The following TMCC1 variants were observed in gnomAD, a reference collection of about 807,000 sequenced individuals.
The protein encoded by TMCC1 is transmembrane and coiled-coil domains protein 1.
TMCC1 carries 15 observed loss-of-function variants against 52.4 expected under a neutral mutation model. That is an observed-to-expected ratio of 0.29 (90% CI 0.19 to 0.44). TMCC1 has a LOEUF of 0.44. Ranked by LOEUF, TMCC1 falls within the 20% of genes least tolerant of loss-of-function variation. The pLI is 1.00. For synonymous variants in TMCC1, 279 were observed against 301.9 expected, an observed-to-expected ratio of 0.92 and a Z score of 0.79; for missense variants, 503 against 806.0, an observed-to-expected ratio of 0.62 and a Z score of 4.55.
At chr3:129,662,846 A>C (rs1214340600) in intron 5 of TMCC1, among the ~76,000 whole-genome samples, 1 of 152,200 alleles carries the variant, frequency 6.6e-6, no homozygotes, top group Admixed American at 6.5e-5. Context: ...AAATTGTTAC[A>C]ACCCAAAGAG....
chr3:129,778,906 C>T (rs906812262), intron 4 of TMCC1, among the ~76,000 whole-genome samples: 7 of 152,132 alleles, frequency 4.6e-5, no homozygotes, highest in South Asian at 2.1e-4. Context: ...TATCCAGTCT[C>T]GGGCAGTTCT....
chr3:129,803,615 G>T (rs1560453442), intron 4 of TMCC1, among the ~76,000 whole-genome samples: 1 of 151,904 alleles, frequency 6.6e-6, no homozygotes, highest in Non-Finnish European at 1.5e-5. Flanking sequence ...TCCTTTTCTT[G>T]CCTTTAGGCA....
At position 129,664,184 on chromosome 3, in the gene TMCC1, C is replaced by G. The variant is rs373759685; in HGVS notation, c.1511+6146G>C. ...TAATTTGATTCAGTACCCTCAGTTT[C>G]TATTTCAAACTTATTGTCCAAATCT... On this transcript the variant is annotated intron_variant, in intron 5 of 6. Transcript: ENST00000393238. Among the ~76,000 whole-genome samples, 7 of 152,280 alleles carry G rather than the reference C, an allele frequency of 4.6e-5. No individual in the cohort carries two copies. In the East Asian group the frequency reaches 1.3e-3, roughly 29 times the overall value.
intron 4 of TMCC1, among the ~76,000 whole-genome samples, chr3:129,760,017 G>A (rs1023741934): frequency 1.1e-4 from 16 of 150,676 alleles, no homozygotes; most frequent in African/African-American, 3.2e-4. Flanking sequence ...CACCGCACCC[G>A]GCCCAAAAAA....
At chr3:129,793,198 CA>C (rs1239781732) in intron 4 of TMCC1, among the ~76,000 whole-genome samples, 1 of 151,842 alleles carries the variant, frequency 6.6e-6, no homozygotes, top group African/African-American at 2.4e-5. Flanking sequence ...CACCATGGAG[CA>C]GGGGGGAAGG....
At chr3:129,851,072 T>G (rs1456727603) in intron 2 of TMCC1, among the ~76,000 whole-genome samples, 1 of 152,248 alleles carries the variant, frequency 6.6e-6, no homozygotes, top group Non-Finnish European at 1.5e-5. Context: ...TGGCCAGTTT[T>G]GGGGCCAGTT....
intron 1 of TMCC1, among the ~76,000 whole-genome samples, chr3:129,890,592 C>G (rs1257780013): frequency 6.6e-6 from 1 of 152,156 alleles, no homozygotes; most frequent in African/African-American, 2.4e-5. Context: ...AGGAACATGT[C>G]AAAATTCTAT....
rs1432718546 is a variant in TMCC1 at position 129,655,121 on chromosome 3, G to A, written c.1512-18C>T. On this transcript the variant is annotated intron_variant, in intron 5 of 6. Transcript: ENST00000393238. ...GTTCACATCTAAGGAGAAAAAAAAA[G>A]TTTAGAATTTTATGAATTCTGTGAA... is the stretch of plus-strand genomic sequence containing the variant. 1 of 1,601,576 alleles carries A rather than the reference G, an allele frequency of 6.2e-7. No individual in the cohort carries two copies. Among genetic ancestry groups the A allele is most frequent in the South Asian group, 1.1e-5 (1 of 89,704 alleles).
intron 4 of TMCC1, among the ~76,000 whole-genome samples, chr3:129,695,973 C>A (rs988336163): frequency 6.6e-6 from 1 of 152,120 alleles, no homozygotes; most frequent in Non-Finnish European, 1.5e-5. Flanking sequence ...AGAAGAAAAT[C>A]AAAATATTTT....
chr3:129,845,371 C>T (rs1577066297), intron 2 of TMCC1, among the ~76,000 whole-genome samples: 1 of 152,156 alleles, frequency 6.6e-6, no homozygotes, highest in East Asian at 1.9e-4. Flanking sequence ...GGGAAAAGTA[C>T]AAATAATCTA....
At chr3:129,874,476 G>C (rs983044572) in intron 2 of TMCC1, among the ~76,000 whole-genome samples, 1 of 152,186 alleles carries the variant, frequency 6.6e-6, no homozygotes, top group Non-Finnish European at 1.5e-5. Flanking sequence ...GAGAGGCTGA[G>C]GTGGGAGGAC....
chr3:129,759,710 C>CTT (rs61519484), intron 4 of TMCC1, among the ~76,000 whole-genome samples: 1 of 37,192 alleles, frequency 2.7e-5, no homozygotes, highest in African/African-American at 1.1e-4. Context: ...GCCAGCCAAA[C>CTT]TTTTTTTTTT....
In TMCC1 at chr3:129,662,176, G is replaced by A. The variant is rs142170875; in HGVS notation, c.1512-7073C>T. ...AACTCTCCAGACACAAATCGGGGCA[G>A]AGGAGATGGTGGGTGGGTGGGAGGT... On this transcript the variant is annotated intron_variant, in intron 5 of 6. Coordinates refer to ENST00000393238, the MANE Select transcript of TMCC1 (RefSeq NM_001017395.5). 4.6e-5 allele frequency among the ~76,000 whole-genome samples: 7 copies of A among 152,258 alleles called. No homozygotes were observed. In the East Asian group the frequency reaches 1.3e-3, roughly 29 times the overall value.
intron 2 of TMCC1, among the ~76,000 whole-genome samples, chr3:129,848,684 A>C (rs1375794419): frequency 2.6e-5 from 4 of 152,210 alleles, no homozygotes; most frequent in Non-Finnish European, 5.9e-5. Context: ...ATCCGTGCCA[A>C]CCAATGAAAC....
At chr3:129,819,792 A>G (rs2811347) in intron 4 of TMCC1, 149,987 of 152,140 alleles carry the variant, frequency 0.99, 73,971 homozygotes, top group East Asian at 1. Flanking sequence ...TGCTTCAGCA[A>G]CCCATATACT....
chr3:129,733,363 A>C (rs2050694557), intron 4 of TMCC1, among the ~76,000 whole-genome samples: 1 of 152,256 alleles, frequency 6.6e-6, no homozygotes, highest in African/African-American at 2.4e-5. Context: ...GTTCAATGGC[A>C]GACTATTCTC....
Position 129,858,927 on chromosome 3 carries a change from T to C in TMCC1, c.-184+21382A>G, listed in dbSNP as rs544047882. Among the ~76,000 whole-genome samples, 10 of 152,344 alleles carry C rather than the reference T, an allele frequency of 6.6e-5. No individual in the cohort carries two copies. In the South Asian group the frequency reaches 1.9e-3, roughly 28 times the overall value. On this transcript the variant is annotated intron_variant, in intron 2 of 6. Coordinates refer to ENST00000393238, the MANE Select transcript of TMCC1 (RefSeq NM_001017395.5). ...TTCTGATAGCTTTAATAACTTTTCA[T>C]TTTAAATAAGTGATTACCTTAGATT...
chr3:129,817,875 C>T (rs562415172), intron 4 of TMCC1, among the ~76,000 whole-genome samples: 2 of 151,992 alleles, frequency 1.3e-5, no homozygotes, highest in Admixed American at 6.6e-5. Flanking sequence ...TGCAATGGCG[C>T]GATCTCAGCT....
chr3:129,696,406 C>T (rs2047420345), intron 4 of TMCC1, among the ~76,000 whole-genome samples: 1 of 152,226 alleles, frequency 6.6e-6, no homozygotes, highest in African/African-American at 2.4e-5. Flanking sequence ...TGATTGATGT[C>T]TCATGCTTCC....
Sources: gnomAD v4.1 joint callset for allele counts (sites outside exome capture counted in the v4.1 genomes callset) on GRCh38, gnomAD v4.1.1 for gene constraint, MANE v1.5 for transcripts, NCBI Gene and HGNC (gene_info 2026-07-23, HGNC 2026-07-21) for gene names.